Variants in OR51B5 observed in about 807,000 individuals in gnomAD.
OR51B5 encodes olfactory receptor 51B5.
For missense variants in OR51B5, 456 were observed against 374.6 expected, an observed-to-expected ratio of 1.22 and a Z score of -1.79; for synonymous variants, 186 against 144.8, an observed-to-expected ratio of 1.28 and a Z score of -2.04.
Position 5,363,699 on chromosome 11 carries a change from T to A in OR51B5, n.85-16789A>T, listed in dbSNP as rs576070291. ...ACTCTGCCATTTGGCCATTTGCTTGTGTTTGGACTTGTGAAGGTCTTTCCA... is the reference window on the plus strand; with the variant it reads ...ACTCTGCCATTTGGCCATTTGCTTGAGTTTGGACTTGTGAAGGTCTTTCCA... On this transcript the variant is annotated intron_variant and non_coding_transcript_variant, in intron 1 of 4. Transcript: ENST00000415970. Among the ~76,000 whole-genome samples, 21 of 152,330 alleles carry A rather than the reference T, an allele frequency of 1.4e-4. 1 individual carries two copies. The highest frequency in any genetic ancestry group is 5.1e-4 in the African/African-American group (21 of 41,576).
rs1170573201 is a variant in OR51B5, at chr11:5,402,614, C to T, written n.85-55704G>A. On this transcript the variant is annotated intron_variant and non_coding_transcript_variant, in intron 1 of 4. Coordinates refer to the OR51B5 transcript ENST00000415970. ...ATGTCAACATGAAAATTTCTAATAA[C>T]TCTTTGGGGTTTTTACCTACGACTT... 6.4e-6 allele frequency: 3 copies of T among 470,752 alleles called. No homozygotes were observed. The East Asian group carries it at 2.1e-4, about 33-fold the overall frequency. 29.2% of individuals were successfully genotyped at this position (470,752 alleles called of 1,614,324 possible). A position where few individuals can be genotyped will look rare whatever the true frequency, so the allele number is the denominator to read the frequency against.
intron 1 of OR51B5, among the ~76,000 whole-genome samples, chr11:5,400,668 T>C (rs1396033209): frequency 2.6e-5 from 4 of 152,216 alleles, no homozygotes; most frequent in African/African-American, 7.2e-5. Context: ...GACTTCAGCA[T>C]AGGTGACGAC....
chr11:5,443,402 G>C (rs1479661593), intron 1 of OR51B5, among the ~76,000 whole-genome samples: 3 of 151,964 alleles, frequency 2.0e-5, no homozygotes, highest in African/African-American at 4.8e-5. Context: ...TTAATGAGTA[G>C]TGTTTTCTCC....
At chr11:5,389,253 T>G in intron 1 of OR51B5, 3 of 792,690 alleles carry the variant, frequency 3.8e-6, no homozygotes, top group Admixed American at 2.4e-5. Context: ...AATAAAGTAG[T>G]GAGATTGGCA....
chr11:5,443,508 T>C (rs1363422154), intron 1 of OR51B5, among the ~76,000 whole-genome samples: 1 of 144,874 alleles, frequency 6.9e-6, no homozygotes, highest in Admixed American at 6.8e-5. Context: ...CCTGTTCAGA[T>C]CTGTTTTTTT....
At chr11:5,426,060 G>A (rs1032473629) in intron 1 of OR51B5, among the ~76,000 whole-genome samples, 4 of 152,282 alleles carry the variant, frequency 2.6e-5, no homozygotes, top group African/African-American at 7.2e-5. Context: ...CAAGCTGCAC[G>A]AAGATGCGAA....
chr11:5,488,858 T>A lies in OR51B5; in HGVS notation n.84+16711A>T, dbSNP rs758525213. ...GTTGGAAATGCTGCCCTCATCCTGG[T>A]CATTGCCATGGACAATGCTCTTCAT... On this transcript the variant is annotated intron_variant and non_coding_transcript_variant, in intron 1 of 4. Transcript: ENST00000415970. The A allele has an allele frequency of 6.8e-6, 11 of 1,614,060 alleles. No homozygotes were observed. The South Asian group carries it at 1.1e-4, about 16-fold the overall frequency.
chr11:5,371,917 TC>T (rs1849453955), intron 1 of OR51B5, among the ~76,000 whole-genome samples: 1 of 152,188 alleles, frequency 6.6e-6, no homozygotes, highest in Non-Finnish European at 1.5e-5. Context: ...TCTCTTTCTT[TC>T]TTCCCCTTTT....
intron 1 of OR51B5, among the ~76,000 whole-genome samples, chr11:5,386,316 G>T (rs1289135548): frequency 6.6e-6 from 1 of 152,098 alleles, no homozygotes; most frequent in Non-Finnish European, 1.5e-5. Context: ...GGTGTTACAG[G>T]GTGTTTGAGG....
intron 1 of OR51B5, chr11:5,362,914 C>A: frequency 6.1e-6 from 1 of 164,308 alleles, no homozygotes; most frequent in South Asian, 1.9e-4. Flanking sequence ...AGTTTTCTTT[C>A]TATTGCTGGA....
At chr11:5,409,098 C>G (rs1197203438) in intron 1 of OR51B5, among the ~76,000 whole-genome samples, 3 of 152,022 alleles carry the variant, frequency 2.0e-5, no homozygotes, top group African/African-American at 7.2e-5. Flanking sequence ...AATATTCCTG[C>G]TGAAAATAAC....
intron 1 of OR51B5, among the ~76,000 whole-genome samples, chr11:5,465,612 A>G (rs1219435920): frequency 6.9e-6 from 1 of 145,554 alleles, no homozygotes; most frequent in African/African-American, 2.5e-5. Flanking sequence ...AAACAGAGAT[A>G]TAGATCAATG....
intron 1 of OR51B5, among the ~76,000 whole-genome samples, chr11:5,424,555 T>A (rs181441960): frequency 2.6e-4 from 39 of 152,026 alleles, no homozygotes; most frequent in Admixed American, 1.2e-3. Flanking sequence ...TCAGAAAGAA[T>A]CAGTCAGGAA....
intron 1 of OR51B5, among the ~76,000 whole-genome samples, chr11:5,370,217 G>A (rs981344959): frequency 6.6e-6 from 1 of 152,182 alleles, no homozygotes; most frequent in Non-Finnish European, 1.5e-5. Flanking sequence ...AACAGTCACA[G>A]TCTTTTATAG....
upstream of OR51B5, among the ~76,000 whole-genome samples, chr11:5,347,764 AGGAGGTAG>A (rs1270096780): frequency 1.1e-4 from 17 of 152,158 alleles, no homozygotes; most frequent in South Asian, 4.1e-4. Flanking sequence ...GATGGAAGGA[AGGAGGTAG>A]GGAGAGAGGG....
At chr11:5,351,946 T>C (rs780239714) in intron 1 of OR51B5, 8 of 1,613,098 alleles carry the variant, frequency 5.0e-6, no homozygotes, top group South Asian at 2.2e-5. Flanking sequence ...TGTGCGGGTA[T>C]TGACAAGGGC....
chr11:5,370,911 G>C (rs1213585754), intron 1 of OR51B5, among the ~76,000 whole-genome samples: 2 of 152,206 alleles, frequency 1.3e-5, no homozygotes, highest in African/African-American at 4.8e-5. Flanking sequence ...GGCAAAAGAA[G>C]TATTGCCATA....
intron 1 of OR51B5, chr11:5,391,425 T>G (rs1849793632): frequency 6.6e-6 from 1 of 152,252 alleles, no homozygotes; most frequent in Admixed American, 6.5e-5. Context: ...TCCATTAGAA[T>G]GACTAAATCA....
chr11:5,398,288 T>A (rs921097507), intron 1 of OR51B5, among the ~76,000 whole-genome samples: 1 of 152,228 alleles, frequency 6.6e-6, no homozygotes, highest in Non-Finnish European at 1.5e-5. Context: ...TTCACAAAGA[T>A]ACTGACTCTA....
Sources: allele counts gnomAD v4.1 joint callset (sites outside exome capture counted in the v4.1 genomes callset), GRCh38; gene constraint gnomAD v4.1.1; transcripts MANE v1.5; gene names NCBI Gene and HGNC (gene_info 2026-07-23, HGNC 2026-07-21).